Variants in GABRB2 observed in about 807,000 individuals in gnomAD.
GABRB2 encodes gamma-aminobutyric acid type A receptor subunit beta2, also known as gamma-aminobutyric acid receptor subunit beta-2.
A neutral mutation model predicts 54.7 loss-of-function variants in GABRB2; 16 were observed. The observed-to-expected ratio is 0.29, with a 90% confidence interval of 0.20 to 0.44. GABRB2 has a LOEUF of 0.44. GABRB2 is among the 20% of genes least tolerant of loss of function. The pLI, the probability that GABRB2 is intolerant of heterozygous loss-of-function variation, is 1.00. For synonymous variants in GABRB2, 244 were observed against 233.8 expected, an observed-to-expected ratio of 1.04 and a Z score of -0.40; for missense variants, 355 against 644.0, an observed-to-expected ratio of 0.55 and a Z score of 4.86.
intron 5 of GABRB2, among the ~76,000 whole-genome samples, chr5:161,354,947 T>A (rs1016746277): frequency 4.6e-5 from 7 of 152,036 alleles, no homozygotes; most frequent in African/African-American, 1.7e-4. Flanking sequence ...GCCCTCTCTT[T>A]TCTCTTTAAA....
At chr5:161,519,117 T>C (rs910567882) in intron 3 of GABRB2, among the ~76,000 whole-genome samples, 2 of 152,188 alleles carry the variant, frequency 1.3e-5, no homozygotes, top group African/African-American at 4.8e-5. Context: ...TGTCACTATT[T>C]TGAAAACCAC....
Position 161,489,481 on chromosome 5 carries a change from A to G in GABRB2, c.238-29637T>C, listed in dbSNP as rs577964148. On this transcript the variant is annotated intron_variant, in intron 3 of 9. Transcript: ENST00000393959. ...TATGAGGAAAACAAAAGACAAACAG[A>G]GTAGATAAATTTGTTAAGGTCACAC... Among the ~76,000 whole-genome samples, 12 of 151,840 alleles carry G rather than the reference A, an allele frequency of 7.9e-5. No homozygotes were observed. The South Asian group carries it at 2.5e-3, about 31-fold the overall frequency.
At chr5:161,382,399 A>G (rs1187898225) in intron 5 of GABRB2, among the ~76,000 whole-genome samples, 1 of 152,138 alleles carries the variant, frequency 6.6e-6, no homozygotes, top group Non-Finnish European at 1.5e-5. Flanking sequence ...GAACAAATCC[A>G]TTTATCCTCA....
chr5:161,454,219 G>A (rs139795094), intron 4 of GABRB2, among the ~76,000 whole-genome samples: 15 of 152,200 alleles, frequency 9.9e-5, no homozygotes, highest in South Asian at 2.1e-4. Flanking sequence ...CAACTGAGGC[G>A]CTTGCCTTGG....
Position 161,325,660 on chromosome 5 carries a change from G to C in GABRB2, c.1191+708C>G, listed in dbSNP as rs138890103. Among the ~76,000 whole-genome samples, 1,129 of 152,232 alleles carry C rather than the reference G, an allele frequency of 7.4e-3. 12 individuals carry two copies. Among genetic ancestry groups the C allele is most frequent in the African/African-American group, 0.025 (1,025 of 41,564 alleles). On this transcript the variant is annotated intron_variant, in intron 9 of 9. Transcript: ENST00000393959. ...AAGTAGTAGATGATAGGGTGGAATG[G>C]TGACAATTATCATTTTCCTCCTTCA...
chr5:161,377,162 T>C (rs1386365888), intron 5 of GABRB2, among the ~76,000 whole-genome samples: 2 of 152,146 alleles, frequency 1.3e-5, no homozygotes, highest in Non-Finnish European at 2.9e-5. Context: ...AATGATCTTT[T>C]AAAAATATAT....
chr5:161,319,046 G>A (rs561603777), intron 9 of GABRB2, among the ~76,000 whole-genome samples: 19 of 150,162 alleles, frequency 1.3e-4, no homozygotes, highest in East Asian at 5.8e-4. Context: ...ATAAATTGTC[G>A]TTGTTCCTGT....
intron 3 of GABRB2, among the ~76,000 whole-genome samples, chr5:161,495,972 T>C (rs1198986759): frequency 6.6e-6 from 1 of 152,162 alleles, no homozygotes; most frequent in Non-Finnish European, 1.5e-5. Context: ...ACTGGACTTA[T>C]GAGAAGTCAG....
At chr5:161,466,426 T>C (rs950680706) in intron 3 of GABRB2, among the ~76,000 whole-genome samples, 1 of 152,078 alleles carries the variant, frequency 6.6e-6, no homozygotes, top group Non-Finnish European at 1.5e-5. Context: ...TTGTGGGGTA[T>C]TTTTGCATGC....
chr5:161,410,692 A>T (rs1216137021), intron 5 of GABRB2, among the ~76,000 whole-genome samples: 1 of 152,190 alleles, frequency 6.6e-6, no homozygotes, highest in African/African-American at 2.4e-5. Context: ...TAAATGCCTG[A>T]AATAGCCCTC....
At position 161,545,429 on chromosome 5, in the gene GABRB2, T is replaced by G. The variant is rs1403750843; in HGVS notation, c.170-135A>C. 6 of 425,572 alleles carry G rather than the reference T, an allele frequency of 1.4e-5. No individual in the cohort carries two copies. The African/African-American group carries it at 1.7e-4, about 12-fold the overall frequency. The allele number at this position is 425,572 out of a possible 1,614,324, so 26.4% of individuals were successfully genotyped here. ...ATCTCAAATTTTTCAATTCTCTGCT[T>G]TTTTTGTTAAAAAAAAAAAAAAAAA... On this transcript the variant is annotated intron_variant, in intron 2 of 9. Coordinates refer to ENST00000393959, the MANE Select transcript of GABRB2 (RefSeq NM_001371727.1).
intron 3 of GABRB2, among the ~76,000 whole-genome samples, chr5:161,472,529 G>T (rs1165026897): frequency 6.6e-6 from 1 of 151,372 alleles, no homozygotes. Context: ...TCGGGTGGGG[G>T]TGGGGAGATG....
intron 1 of GABRB2, 75 bp from the exon 2 acceptor site, chr5:161,546,488 A>G: frequency 6.4e-7 from 1 of 1,568,118 alleles, no homozygotes; most frequent in Non-Finnish European, 8.8e-7. Context: ...GATCCCTACT[A>G]CATTTCCCTG....
At chr5:161,367,091 A>G (rs1489960701) in intron 5 of GABRB2, among the ~76,000 whole-genome samples, 1 of 152,226 alleles carries the variant, frequency 6.6e-6, no homozygotes, top group African/African-American at 2.4e-5. Flanking sequence ...TAAGGAAAAA[A>G]ATCTGTGAGA....
At chr5:161,343,040 TCAATGC>T (rs1429864534) in intron 5 of GABRB2, among the ~76,000 whole-genome samples, 1 of 152,054 alleles carries the variant, frequency 6.6e-6, no homozygotes, top group Non-Finnish European at 1.5e-5. Context: ...CTGAGCGCAG[TCAATGC>T]CAATTAGAGT....
intron 5 of GABRB2, among the ~76,000 whole-genome samples, chr5:161,340,913 G>A (rs1754137833): frequency 6.6e-6 from 1 of 151,966 alleles, no homozygotes; most frequent in Non-Finnish European, 1.5e-5. Flanking sequence ...TTATTTTGAT[G>A]TTTTGGGTTT....
chr5:161,516,417 A>G (rs4489099), intron 3 of GABRB2, among the ~76,000 whole-genome samples: 151,684 of 152,278 alleles, frequency 1, 75,551 homozygotes, highest in East Asian at 1. Flanking sequence ...GGATGGGTGA[A>G]TGAGTGCCTA....
intron 4 of GABRB2, among the ~76,000 whole-genome samples, chr5:161,451,933 G>A (rs1016191940): frequency 1.3e-5 from 2 of 152,068 alleles, no homozygotes; most frequent in Admixed American, 6.6e-5. Context: ...TTTCTAAATA[G>A]TCAATAAGAA....
intron 3 of GABRB2, among the ~76,000 whole-genome samples, chr5:161,499,803 C>A (rs955112039): frequency 2.6e-5 from 4 of 152,088 alleles, no homozygotes; most frequent in Admixed American, 6.6e-5. Context: ...GGGGGCAGTG[C>A]AAAGCATGGT....
Sources: allele counts gnomAD v4.1 joint callset (sites outside exome capture counted in the v4.1 genomes callset), GRCh38; gene constraint gnomAD v4.1.1; transcripts MANE v1.5; gene names NCBI Gene and HGNC (gene_info 2026-07-23, HGNC 2026-07-21).